Variants in SLC9A6 observed in about 807,000 individuals in gnomAD.
The protein encoded by SLC9A6 is sodium/hydrogen exchanger 6.
In SLC9A6, 6 loss-of-function variants were observed where a neutral mutation model predicts 45.3. The observed-to-expected ratio is 0.13, with a 90% confidence interval of 0.07 to 0.26. The LOEUF is 0.26. SLC9A6 is among the 10% of genes least tolerant of loss of function. SLC9A6 has a pLI of 1.00. For missense variants in SLC9A6, 278 were observed against 503.7 expected (o/e 0.55, Z 4.29); for synonymous variants, 191 against 187.7 (o/e 1.02, Z -0.14).
At chrX:136,022,111 T>C (rs781814930) in intron 11 of SLC9A6, among the ~76,000 whole-genome samples, 23 of 111,828 alleles carry the variant, frequency 2.1e-4, no homozygotes, top group Middle Eastern at 9.2e-3. Context: ...TTTTCTTTGT[T>C]CTGAGGAAGG....
chrX:136,002,070 A>T, intron 6 of SLC9A6, 38 bp from the exon 7 acceptor site: 1 of 880,531 alleles, frequency 1.1e-6, no homozygotes, highest in Non-Finnish European at 1.7e-6. Context: ...TTATATTTGT[A>T]ATGTCTAAGT....
At chrX:136,026,516 A>C (rs1288414432) in intron 13 of SLC9A6, among the ~76,000 whole-genome samples, 1 of 110,584 alleles carries the variant, frequency 9.0e-6, no homozygotes, top group East Asian at 2.8e-4. Context: ...TGTGCCGGGC[A>C]CTGTAGGTTA....
In SLC9A6 at chrX:135,988,509, TCTTTC is replaced by T. The variant is rs1556615247; in HGVS notation, c.169+2683_169+2687del. Among the ~76,000 whole-genome samples the T allele has an allele frequency of 1.2e-4, 13 of 106,948 alleles. No homozygotes were observed. In the South Asian group the frequency reaches 4.0e-3, roughly 33 times the overall value. 92.9% of individuals were successfully genotyped at this position (106,948 alleles called of 115,157 possible). A position where few individuals can be genotyped will look rare whatever the true frequency, so the allele number is the denominator to read the frequency against. ...TCTTTCTTTCTTTCTTTTCTTTCTT[TCTTTC>T]TCTCTCTTTCTTTCTCTCTCTTTCT... On this transcript the variant is annotated intron_variant, in intron 2 of 17. Coordinates refer to ENST00000630721, the MANE Select transcript of SLC9A6 (RefSeq NM_001379110.1).
intron 16 of SLC9A6, among the ~76,000 whole-genome samples, chrX:136,038,964 A>AT (rs1389146783): frequency 1.8e-5 from 2 of 111,050 alleles, no homozygotes; most frequent in African/African-American, 6.6e-5. Flanking sequence ...GCGTGTTTAT[A>AT]TGCAGTGTTT....
In SLC9A6 at chrX:135,998,611, A is replaced by G. The variant is rs1251466815; in HGVS notation, c.524+53A>G. 1.2e-5 allele frequency: 11 copies of G among 899,312 alleles called. No homozygotes were observed. The African/African-American group carries it at 2.0e-4, about 17-fold the overall frequency. The allele number at this position is 899,312 out of a possible 1,213,427, so 74.1% of individuals were successfully genotyped here. ...GTGGCCTTCAAATTATAATTTTAAA[A>G]TAATATATTTTTGATTTATGCAGTG... On this transcript the variant is annotated intron_variant, in intron 5 of 17. Coordinates refer to ENST00000630721, the MANE Select transcript of SLC9A6 (RefSeq NM_001379110.1).
chrX:136,010,517 G>A lies in SLC9A6; in HGVS notation c.819G>A (p.Gly273=), dbSNP rs1469270764. 1.7e-6 allele frequency: 2 copies of A among 1,209,254 alleles called. No homozygotes were observed. Among genetic ancestry groups the A allele is most frequent in the Non-Finnish European group, 2.2e-6 (2 of 894,390 alleles). Residue 273 remains glycine (G), a synonymous_variant, in exon 8 of 18, where the codon GGG becomes GGA. Transcript: ENST00000630721. ...FDVTAMFKSI[G]IFLGIFSGSF... ...TCACAGCGATGTTCAAGTCTATTGG[G>A]ATCTTCCTTGGAATCTTCAGTGGAT...
chrX:136,001,348 A>C (rs1450739393), intron 6 of SLC9A6, among the ~76,000 whole-genome samples: 4 of 108,815 alleles, frequency 3.7e-5, no homozygotes, highest in Non-Finnish European at 7.6e-5. Context: ...AAAAAAAAAA[A>C]AAAAAAAAAA....
intron 13 of SLC9A6, among the ~76,000 whole-genome samples, chrX:136,027,627 A>T (rs2071252123): frequency 8.9e-6 from 1 of 112,055 alleles, no homozygotes. Context: ...CCTAGACAAT[A>T]TATAAATCAA....
intron 4 of SLC9A6, 78 bp from the exon 5 acceptor site, chrX:135,998,404 T>C: frequency 1.4e-6 from 1 of 701,779 alleles, no homozygotes; most frequent in Non-Finnish European, 2.2e-6. Context: ...CATTTCATAT[T>C]AGCATAGCAT....
At chrX:136,022,544 A>T in intron 11 of SLC9A6, 42 bp from the exon 12 acceptor site, 1 of 847,302 alleles carries the variant, frequency 1.2e-6, no homozygotes, top group Non-Finnish European at 1.7e-6. Flanking sequence ...AAATAATATT[A>T]ATAGTAAAAT....
At chrX:135,976,576 T>C (rs1446700875) in intron 1 of SLC9A6, among the ~76,000 whole-genome samples, 3 of 105,705 alleles carry the variant, frequency 2.8e-5, no homozygotes, top group Non-Finnish European at 3.9e-5. Context: ...CACTCCAGCC[T>C]GGGCAACAAG....
intron 16 of SLC9A6, among the ~76,000 whole-genome samples, chrX:136,034,265 C>T (rs188334265): frequency 1.6e-4 from 18 of 110,621 alleles, no homozygotes; most frequent in Non-Finnish European, 3.0e-4. Flanking sequence ...AGCCCGAACC[C>T]TGTTGTGAAC....
Position 136,002,120 on chromosome X carries a change from C to G in SLC9A6, c.650C>G (p.Ala217Gly). 1.7e-6 allele frequency: 2 copies of G among 1,197,524 alleles called. No individual in the cohort carries two copies. Among genetic ancestry groups the G allele is most frequent in the Non-Finnish European group, 2.3e-6 (2 of 882,944 alleles). Residue 217 changes from alanine (A) to glycine (G), a missense_variant, in exon 7 of 18, where the codon GCT (alanine) becomes GGT (glycine). Physicochemically the swap from Ala to Gly is moderately conservative, Grantham distance 60. Transcript: ENST00000630721. ...VSATDPVTVLAIFHELQVDVE... is the reference protein window; with the variant it reads ...VSATDPVTVLGIFHELQVDVE... The stretch of plus-strand genomic sequence containing the variant: ...TTTTACTTACTAGTGACTGTTCTTG[C>G]TATATTCCACGAGCTTCAAGTTGAT...
intron 5 of SLC9A6, 40 bp from the exon 6 acceptor site, chrX:135,998,816 T>A: frequency 3.1e-6 from 3 of 974,200 alleles, no homozygotes; most frequent in Non-Finnish European, 4.4e-6. Context: ...TTTTAACAGT[T>A]GATATTTTTT....
intron 7 of SLC9A6, among the ~76,000 whole-genome samples, chrX:136,008,686 A>G (rs1477198832): frequency 8.9e-6 from 1 of 112,501 alleles, no homozygotes; most frequent in African/African-American, 3.2e-5. Flanking sequence ...AAATCGATCT[A>G]TCAGGGTAGT....
At chrX:136,002,365 T>C in intron 7 of SLC9A6, 152 bp downstream of exon 7, 1 of 469,495 alleles carries the variant, frequency 2.1e-6, no homozygotes, top group Non-Finnish European at 3.7e-6. Flanking sequence ...ATTTTATAGA[T>C]AAATTGGAAA....
intron 8 of SLC9A6, among the ~76,000 whole-genome samples, chrX:136,012,345 G>A (rs2070940009): frequency 8.9e-6 from 1 of 112,277 alleles, no homozygotes; most frequent in Non-Finnish European, 1.9e-5. Context: ...AGTATATCTT[G>A]TTAATCATTT....
intron 16 of SLC9A6, among the ~76,000 whole-genome samples, chrX:136,038,726 GT>G (rs1370425713): frequency 1.9e-5 from 2 of 104,424 alleles, no homozygotes; most frequent in African/African-American, 7.0e-5. Flanking sequence ...GACTATCTAG[GT>G]TTTTTTTTCT....
At chrX:136,010,645 C>T (rs1302365899) in intron 8 of SLC9A6, 62 bp downstream of exon 8, 3 of 1,030,305 alleles carry the variant, frequency 2.9e-6, no homozygotes, top group Non-Finnish European at 4.1e-6. Context: ...ATGCTGTATT[C>T]CGTTGTTTTT....
Sources: gnomAD v4.1 joint callset for allele counts (sites outside exome capture counted in the v4.1 genomes callset) on GRCh38, gnomAD v4.1.1 for gene constraint, MANE v1.5 for transcripts, NCBI Gene and HGNC (gene_info 2026-07-23, HGNC 2026-07-21) for gene names.